ACACA: variants seen among roughly 807,000 people sequenced by gnomAD.
The protein encoded by ACACA is acetyl-CoA carboxylase alpha, also known as acetyl-CoA carboxylase 1.
In ACACA, 103 loss-of-function variants were observed where a neutral mutation model predicts 296.1. The observed-to-expected ratio is 0.35, with a 90% CI of 0.30 to 0.41. ACACA has a LOEUF of 0.41. Ranked by LOEUF, ACACA falls within the 10% of genes least tolerant of loss-of-function variation. ACACA has a pLI of 1.00. For missense variants in ACACA, 1,554 were observed against 2,989.7 expected, an observed-to-expected ratio of 0.52 and a Z score of 11.20; for synonymous variants, 953 against 1,038.6, an observed-to-expected ratio of 0.92 and a Z score of 1.58.
intron 3 of ACACA, 110 bp from the exon 4 acceptor site, chr17:37,285,080 T>A (rs1245520115): frequency 2.5e-6 from 3 of 1,218,320 alleles, no homozygotes; most frequent in Non-Finnish European, 1.2e-6. Flanking sequence ...GAAGACTGCA[T>A]GCTGGCAGGT....
intron 3 of ACACA, among the ~76,000 whole-genome samples, chr17:37,310,981 C>A (rs2084110230): frequency 6.6e-6 from 1 of 151,840 alleles, no homozygotes; most frequent in Non-Finnish European, 1.5e-5. Context: ...TAGTCTTTAG[C>A]AGAAAAGAAG....
chr17:37,235,077 G>A lies in ACACA; in HGVS notation c.3144C>T (p.Phe1048=), dbSNP rs144782069. Residue 1048 remains phenylalanine (F), a synonymous_variant, in exon 25 of 56, where the codon TTC becomes TTT. Transcript: ENST00000616317. ...FQNGHYDKCV[F]ALREENKSDM... ...CACTTTTATTCTCTTCTCGGAGGGC[G>A]AATACACATTTGTCATAGTGACCTG... 1.6e-5 allele frequency: 26 copies of A among 1,613,374 alleles called. No individual in the cohort carries two copies. Among genetic ancestry groups the A allele is most frequent in the East Asian group, 1.6e-4 (7 of 44,856 alleles).
At chr17:37,150,459 T>A (rs2075990573) in intron 44 of ACACA, among the ~76,000 whole-genome samples, 2 of 151,892 alleles carry the variant, frequency 1.3e-5, no homozygotes, top group African/African-American at 4.8e-5. Flanking sequence ...GGAAAACCAC[T>A]TGAACCCAGG....
At chr17:37,248,783 A>G in intron 16 of ACACA, 109 bp from the exon 17 acceptor site, 1 of 712,944 alleles carries the variant, frequency 1.4e-6, no homozygotes. Flanking sequence ...ACTAGAAACA[A>G]CCTAAATACC....
chr17:37,334,523 C>G (rs963611518), intron 2 of ACACA, among the ~76,000 whole-genome samples: 1 of 150,444 alleles, frequency 6.6e-6, no homozygotes, highest in African/African-American at 2.5e-5. Context: ...TTGGATACAT[C>G]ACACTCAAGT....
intron 52 of ACACA, among the ~76,000 whole-genome samples, chr17:37,098,730 T>TA (rs1323565444): frequency 6.6e-6 from 1 of 152,116 alleles, no homozygotes; most frequent in Non-Finnish European, 1.5e-5. Context: ...AAGGAGGATG[T>TA]AAAAAGAGAA....
At chr17:37,122,270 A>T (rs998578587) in intron 49 of ACACA, among the ~76,000 whole-genome samples, 1 of 152,176 alleles carries the variant, frequency 6.6e-6, no homozygotes, top group Non-Finnish European at 1.5e-5. Context: ...TTTCTGTAAG[A>T]CCATCTCCCC....
intron 45 of ACACA, among the ~76,000 whole-genome samples, chr17:37,136,463 C>T (rs769933672): frequency 1.3e-5 from 2 of 152,110 alleles, no homozygotes; most frequent in African/African-American, 2.4e-5. Context: ...TGTTGGTGTA[C>T]ATTTGGGTTG....
chr17:37,131,287 T>C (rs910645338), intron 45 of ACACA, among the ~76,000 whole-genome samples: 5 of 152,098 alleles, frequency 3.3e-5, no homozygotes, highest in Non-Finnish European at 5.9e-5. Flanking sequence ...GACTTGGAAA[T>C]TGCAGGGTTT....
At chr17:37,237,439 C>A (rs940079872) in intron 24 of ACACA, among the ~76,000 whole-genome samples, 7 of 152,154 alleles carry the variant, frequency 4.6e-5, no homozygotes, top group African/African-American at 1.7e-4. Context: ...TAGGTACTGA[C>A]CAACTGTTAC....
In ACACA at chr17:37,252,907, T is replaced by C. The variant is rs1567887261; in HGVS notation, c.1956A>G (p.Arg652=). 1 of 1,614,114 alleles carries C rather than the reference T, an allele frequency of 6.2e-7. No homozygotes were observed. Among genetic ancestry groups the C allele is most frequent in the Admixed American group, 1.7e-5 (1 of 60,012 alleles). Residue 652 remains arginine, a synonymous_variant, in exon 15 of 56, where the codon AGA becomes AGG. Coordinates refer to ENST00000616317, the MANE Select transcript of ACACA (RefSeq NM_198834.3). ...MNRIDTGWLD[R]LIAEKVQAER... is the part of the protein sequence containing the mutation. ...ACACCTGTACTTTTTCTGCTATCAG[T>C]CTGTCCAGCCAGCCAGTATCAATTC...
intron 1 of ACACA, among the ~76,000 whole-genome samples, chr17:37,381,919 A>ACG (rs1568082507): frequency 2.2e-4 from 34 of 152,012 alleles, no homozygotes; most frequent in South Asian, 1.9e-3. Flanking sequence ...GAGCCACTGC[A>ACG]CCCGGCCATG....
intron 50 of ACACA, among the ~76,000 whole-genome samples, chr17:37,114,711 G>A (rs185892900): frequency 6.6e-6 from 1 of 152,260 alleles, no homozygotes; most frequent in Non-Finnish European, 1.5e-5. Flanking sequence ...CATTGCTAAA[G>A]CTTTAGGTTT....
chr17:37,225,291 T>TA, intron 26 of ACACA, 186 bp from the exon 27 acceptor site: 1 of 567,354 alleles, frequency 1.8e-6, no homozygotes, highest in Non-Finnish European at 3.2e-6. Context: ...AAATACTGAA[T>TA]CTCAGTTGAC....
rs182426317 is a variant in ACACA at position 37,226,711 on chromosome 17, C to T, written c.3247-259G>A. Among the ~76,000 whole-genome samples, 14 of 152,192 alleles carry T rather than the reference C, an allele frequency of 9.2e-5. No homozygotes were observed. The East Asian group carries it at 2.3e-3, about 25-fold the overall frequency. ...ATAAATCAACACTATACTTTTAACA[C>T]GCAGAAGGAATCATTAGAGACCACT... On this transcript the variant is annotated intron_variant, in intron 25 of 55. Coordinates refer to ENST00000616317, the MANE Select transcript of ACACA (RefSeq NM_198834.3).
chr17:37,335,228 G>A (rs575673444), intron 2 of ACACA, among the ~76,000 whole-genome samples: 151 of 152,176 alleles, frequency 9.9e-4, no homozygotes, highest in African/African-American at 3.6e-3. Flanking sequence ...CCTACTAACT[G>A]TTGGATGTGC....
intron 25 of ACACA, among the ~76,000 whole-genome samples, chr17:37,229,131 G>A (rs1471303789): frequency 7.4e-6 from 1 of 135,438 alleles, no homozygotes; most frequent in African/African-American, 3.0e-5. Context: ...GCAACAGAGC[G>A]AGACTCCGTC....
chr17:37,300,333 G>A (rs998595991), intron 3 of ACACA, among the ~76,000 whole-genome samples: 6 of 152,114 alleles, frequency 3.9e-5, no homozygotes, highest in Admixed American at 3.9e-4. Context: ...ATATCTTCCT[G>A]TTTTTAGCTT....
intron 2 of ACACA, among the ~76,000 whole-genome samples, chr17:37,339,050 C>T (rs1377527326): frequency 6.6e-6 from 1 of 151,986 alleles, no homozygotes; most frequent in Admixed American, 6.6e-5. Context: ...AGACTGACCA[C>T]ACTGAAGAAC....
Sources: allele counts gnomAD v4.1 joint callset (sites outside exome capture counted in the v4.1 genomes callset), GRCh38; gene constraint gnomAD v4.1.1; transcripts MANE v1.5; gene names NCBI Gene and HGNC (gene_info 2026-07-23, HGNC 2026-07-21).